Variants in SORCS1 observed in about 807,000 individuals in gnomAD.
SORCS1 encodes the protein VPS10 domain-containing receptor SorCS1.
Under a neutral mutation model 146.1 loss-of-function variants are expected in SORCS1, and 60 were observed. The observed-to-expected ratio is 0.41, with a 90% CI of 0.33 to 0.51. The LOEUF is 0.51. SORCS1 is among the 20% of genes least tolerant of loss of function. The probability of loss-of-function intolerance (pLI) is 0.21; values close to 1 mark genes in which losing one functional copy is unlikely to be tolerated. For synonymous variants in SORCS1, 637 were observed against 584.0 expected (o/e 1.09, Z -1.31); for missense variants, 1,352 against 1,487.6 (o/e 0.91, Z 1.50).
chr10:107,034,816 C>G (rs557281827), intron 1 of SORCS1, among the ~76,000 whole-genome samples: 22 of 151,794 alleles, frequency 1.4e-4, no homozygotes, highest in Admixed American at 2.0e-4. Flanking sequence ...GACTCCCAGC[C>G]TTTTTCACCA....
chr10:106,851,132 A>AT (rs2137279649), intron 2 of SORCS1, among the ~76,000 whole-genome samples: 1 of 152,064 alleles, frequency 6.6e-6, no homozygotes, highest in East Asian at 1.9e-4. Flanking sequence ...GTCTTTTATA[A>AT]TTTTTTCCCA....
chr10:106,901,711 A>G lies in SORCS1; in HGVS notation c.626+54802T>C, dbSNP rs116434846. Among the ~76,000 whole-genome samples, 551 of 152,312 alleles carry G rather than the reference A, an allele frequency of 3.6e-3. 1 individual carries two copies. Among genetic ancestry groups the G allele is most frequent in the African/African-American group, 9.5e-3 (396 of 41,580 alleles). ...TGGCCTCTGAAAGTGGTAGAATTAC[A>G]GGGATGAGCCACTGTCCCTGGCCAC... On this transcript the variant is annotated intron_variant, in intron 2 of 25. Coordinates refer to ENST00000263054, the MANE Select transcript of SORCS1 (RefSeq NM_052918.5).
chr10:106,719,340 G>A (rs1038336914), intron 6 of SORCS1, among the ~76,000 whole-genome samples: 9 of 152,060 alleles, frequency 5.9e-5, no homozygotes, highest in Admixed American at 3.9e-4. Context: ...GTGTCTACAC[G>A]CTATAAGATT....
chr10:106,993,134 C>G (rs1956844279), intron 1 of SORCS1, among the ~76,000 whole-genome samples: 1 of 151,560 alleles, frequency 6.6e-6, no homozygotes, highest in Non-Finnish European at 1.5e-5. Flanking sequence ...CCAGCCGGGC[C>G]TGGCTAATTT....
chr10:107,164,834 C>G (rs960063023), upstream of SORCS1, among the ~76,000 whole-genome samples: 4 of 147,172 alleles, frequency 2.7e-5, no homozygotes, highest in Non-Finnish European at 4.5e-5. This position sits in a 1 kb window ranked among gnomAD's most constrained non-coding sequence, Gnocchi z 6.8. Context: ...GCCGGGACTC[C>G]GGGCGCCGCG....
intron 19 of SORCS1, among the ~76,000 whole-genome samples, chr10:106,628,531 T>A (rs373668707): frequency 4.9e-4 from 74 of 152,348 alleles, no homozygotes; most frequent in African/African-American, 1.6e-3. Context: ...TAAGCACACA[T>A]AACTTAGAAG....
chr10:106,764,228 T>C (rs985436296), intron 4 of SORCS1, among the ~76,000 whole-genome samples: 1 of 152,192 alleles, frequency 6.6e-6, no homozygotes, highest in Non-Finnish European at 1.5e-5. Context: ...TGCTCTATAT[T>C]CTCCACCTAC....
At chr10:106,706,672 A>C (rs753386663) in intron 7 of SORCS1, 38 bp from the exon 8 acceptor site, 1 of 1,589,754 alleles carries the variant, frequency 6.3e-7, no homozygotes, top group Non-Finnish European at 8.6e-7. Flanking sequence ...AGCTCGAGCT[A>C]CTGTAACAGG....
At chr10:106,638,049 G>T (rs1192264261) in intron 18 of SORCS1, among the ~76,000 whole-genome samples, 1 of 152,070 alleles carries the variant, frequency 6.6e-6, no homozygotes. Context: ...TAGATATTAT[G>T]GTACAGAGAG....
At chr10:106,711,313 C>A (rs977172456) in intron 6 of SORCS1, among the ~76,000 whole-genome samples, 11 of 152,008 alleles carry the variant, frequency 7.2e-5, no homozygotes, top group Non-Finnish European at 1.0e-4. Flanking sequence ...ATGCAGAATT[C>A]TATTTTTCCA....
chr10:106,578,166 T>C (rs922561273), intron 25 of SORCS1: 1 of 152,246 alleles, frequency 6.6e-6, no homozygotes, highest in African/African-American at 2.4e-5. Context: ...ATATAAGGCT[T>C]CAACTCCTAA....
intron 1 of SORCS1, among the ~76,000 whole-genome samples, chr10:107,142,663 T>C (rs1266073963): frequency 6.6e-6 from 1 of 152,200 alleles, no homozygotes; most frequent in Non-Finnish European, 1.5e-5. Flanking sequence ...CTCTCAATCA[T>C]TAGTACTTCA....
intron 1 of SORCS1, among the ~76,000 whole-genome samples, chr10:107,132,300 A>C (rs1168569931): frequency 6.6e-6 from 1 of 152,084 alleles, no homozygotes; most frequent in Non-Finnish European, 1.5e-5. Context: ...TTCCTATCCA[A>C]ACCCACCTAT....
intron 1 of SORCS1, among the ~76,000 whole-genome samples, chr10:106,995,611 G>A (rs904145118): frequency 6.6e-6 from 1 of 152,122 alleles, no homozygotes; most frequent in African/African-American, 2.4e-5. Flanking sequence ...GTTATCCGAA[G>A]TGTTGCTTTT....
chr10:106,986,594 A>T (rs77551929), intron 1 of SORCS1, among the ~76,000 whole-genome samples: 33,804 of 146,182 alleles, frequency 0.23, 4,554 homozygotes, highest in Middle Eastern at 0.34. Context: ...CTCTTTCCTC[A>T]CTGGTACTCT....
upstream of SORCS1, among the ~76,000 whole-genome samples, chr10:107,166,825 G>T (rs978783760): frequency 6.6e-6 from 1 of 152,206 alleles, no homozygotes; most frequent in Non-Finnish European, 1.5e-5. Context: ...AATATAGGCT[G>T]GAAGAAGCAA....
intron 3 of SORCS1, among the ~76,000 whole-genome samples, chr10:106,811,467 T>A (rs1467176389): frequency 6.6e-6 from 1 of 152,164 alleles, no homozygotes; most frequent in Non-Finnish European, 1.5e-5. Context: ...TGGCACATGC[T>A]TGTTAAAATG....
At chr10:106,627,107 T>G (rs1848159856) in intron 19 of SORCS1, among the ~76,000 whole-genome samples, 2 of 152,206 alleles carry the variant, frequency 1.3e-5, no homozygotes, top group Admixed American at 1.3e-4. Context: ...TCTGTGTGTG[T>G]TGTTTTCCTC....
chr10:106,901,593 C>G (rs1951703649), intron 2 of SORCS1, among the ~76,000 whole-genome samples: 1 of 152,118 alleles, frequency 6.6e-6, no homozygotes, highest in African/African-American at 2.4e-5. Context: ...GCCACTATGC[C>G]TGGCTAATTG....
Sources: allele counts gnomAD v4.1 joint callset (sites outside exome capture counted in the v4.1 genomes callset), GRCh38; gene constraint gnomAD v4.1.1; non-coding constraint Gnocchi (gnomAD v3.1); transcripts MANE v1.5; gene names NCBI Gene and HGNC (gene_info 2026-07-23, HGNC 2026-07-21).